Variants in STK39 observed in about 807,000 individuals in gnomAD.
STK39 encodes serine/threonine kinase 39, also known as STE20/SPS1-related proline-alanine-rich protein kinase.
STK39 carries 20 observed loss-of-function variants against 77.8 expected under a neutral mutation model. The ratio of observed to expected loss-of-function variants is 0.26; its 90% CI spans 0.18 to 0.37. The LOEUF (loss-of-function observed/expected upper bound fraction) is 0.37, where lower values mean the gene tolerates loss of function less well. STK39 is among the 10% of genes least tolerant of loss of function. STK39 has a pLI of 1.00. For synonymous variants in STK39, 246 were observed against 234.1 expected, an observed-to-expected ratio of 1.05 and a Z score of -0.47; for missense variants, 479 against 656.5, an observed-to-expected ratio of 0.73 and a Z score of 2.95.
intron 1 of STK39, among the ~76,000 whole-genome samples, chr2:168,220,899 A>T (rs1185056628): frequency 1.3e-5 from 2 of 152,188 alleles, no homozygotes; most frequent in African/African-American, 4.8e-5. Context: ...AAAGTGAGTC[A>T]CTTCATTTAG....
intron 14 of STK39, among the ~76,000 whole-genome samples, chr2:168,026,089 C>T (rs996793226): frequency 6.6e-6 from 1 of 152,162 alleles, no homozygotes; most frequent in Non-Finnish European, 1.5e-5. Flanking sequence ...CATTATTAGG[C>T]CTCATATTTT....
chr2:168,001,862 T>A (rs1684010278), intron 16 of STK39, among the ~76,000 whole-genome samples: 1 of 152,188 alleles, frequency 6.6e-6, no homozygotes, highest in Admixed American at 6.5e-5. Context: ...CTTGGTAATG[T>A]TAGAAAAATG....
intron 14 of STK39, among the ~76,000 whole-genome samples, chr2:168,053,300 G>A (rs972715259): frequency 6.6e-6 from 1 of 152,034 alleles, no homozygotes; most frequent in African/African-American, 2.4e-5. Context: ...AGGTATCCAG[G>A]ACATACTACC....
rs140132561 is a variant in STK39, at chr2:168,110,044, C to T, written c.1089+19497G>A. 3.6e-3 allele frequency among the ~76,000 whole-genome samples: 547 copies of T among 152,186 alleles called. 1 individual carries two copies. The highest frequency in any genetic ancestry group is 0.01 in the Middle Eastern group (3 of 294). ...TAAACAGTTGTCCTTAATTTCAATGCGTGTCACTTTAACAGTCTTTTCTTT... is the reference window on the plus strand; with the variant it reads ...TAAACAGTTGTCCTTAATTTCAATGTGTGTCACTTTAACAGTCTTTTCTTT... On this transcript the variant is annotated intron_variant, in intron 10 of 17. Coordinates refer to ENST00000355999, the MANE Select transcript of STK39 (RefSeq NM_013233.3).
chr2:168,235,355 T>C (rs914365068), intron 1 of STK39, among the ~76,000 whole-genome samples: 2 of 152,074 alleles, frequency 1.3e-5, no homozygotes, highest in Non-Finnish European at 2.9e-5. Flanking sequence ...GTCAATAATA[T>C]TTCTAACATC....
chr2:168,075,323 A>C, intron 10 of STK39, 92 bp from the exon 11 acceptor site: 2 of 1,533,838 alleles, frequency 1.3e-6, no homozygotes, highest in Non-Finnish European at 1.8e-6. Context: ...ATACACACCA[A>C]CCTGAAAATA....
At chr2:168,074,345 G>A (rs779253080) in intron 12 of STK39, among the ~76,000 whole-genome samples, 48 of 152,138 alleles carry the variant, frequency 3.2e-4, no homozygotes, top group Non-Finnish European at 1.3e-4. Flanking sequence ...ATTTCCTCTA[G>A]GAGAATTAGC....
chr2:168,099,007 A>C (rs1686748550), intron 10 of STK39, among the ~76,000 whole-genome samples: 2 of 152,232 alleles, frequency 1.3e-5, no homozygotes, highest in Non-Finnish European at 2.9e-5. Flanking sequence ...AGGAGAGATC[A>C]TGTGGAGAGG....
At chr2:168,139,678 A>C (rs1687929812) in intron 7 of STK39, among the ~76,000 whole-genome samples, 1 of 152,132 alleles carries the variant, frequency 6.6e-6, no homozygotes, top group African/African-American at 2.4e-5. Flanking sequence ...ATTTCACTAA[A>C]CTATTTCAGC....
intron 16 of STK39, among the ~76,000 whole-genome samples, chr2:167,978,022 G>T (rs66592911): frequency 0.15 from 22,602 of 152,100 alleles, 2,159 homozygotes; most frequent in East Asian, 0.43. Flanking sequence ...GCTGTCTTCT[G>T]TTCCTGGGTG....
rs1372713919 is a variant in STK39 at position 168,180,421 on chromosome 2, T to A, written c.321+1557A>T. Among the ~76,000 whole-genome samples the A allele has an allele frequency of 2.0e-5, 3 of 150,330 alleles. No homozygotes were observed. The East Asian group carries it at 5.9e-4, about 29-fold the overall frequency. ...TGATACATCCAAACAGTACATATAT[T>A]TAAATGCACACTCCAAATTTTTTTT... is the stretch of plus-strand genomic sequence containing the variant. On this transcript the variant is annotated intron_variant, in intron 2 of 17. Coordinates refer to ENST00000355999, the MANE Select transcript of STK39 (RefSeq NM_013233.3).
chr2:168,108,161 T>A (rs1042802216), intron 10 of STK39, among the ~76,000 whole-genome samples: 1 of 152,222 alleles, frequency 6.6e-6, no homozygotes, highest in East Asian at 1.9e-4. Context: ...ATTACCTCTA[T>A]GTCAAGAGCA....
chr2:168,001,835 A>C (rs1160858787), intron 16 of STK39, among the ~76,000 whole-genome samples: 4 of 152,212 alleles, frequency 2.6e-5, no homozygotes, highest in Non-Finnish European at 4.4e-5. Context: ...AGAGCCATTT[A>C]ATTTAAATCC....
At chr2:168,078,481 C>T (rs1249505537) in intron 10 of STK39, among the ~76,000 whole-genome samples, 2 of 152,160 alleles carry the variant, frequency 1.3e-5, no homozygotes, top group African/African-American at 2.4e-5. Flanking sequence ...CATCTCTAAA[C>T]AGGAGCTGTC....
chr2:168,210,082 A>AAGGAAGGAAGGAAGGAAGGAAGG lies in STK39; in HGVS notation c.209-27993_209-27992insCCTTCCTTCCTTCCTTCCTTCCT, dbSNP rs1207757423. 3.4e-4 allele frequency among the ~76,000 whole-genome samples: 44 copies of AAGGAAGGAAGGAAGGAAGGAAGG among 129,028 alleles called. 2 individuals are homozygous for AAGGAAGGAAGGAAGGAAGGAAGG. In the East Asian group the frequency reaches 7.4e-3, roughly 22 times the overall value. 84.6% of individuals were successfully genotyped at this position (129,028 alleles called of 152,430 possible). ...GGAAGGAAGGAAGGAAGGAAGGAAG[A>AAGGAAGGAAGGAAGGAAGGAAGG]AAGAAACTCATGTAATTAGAAAAAC... is the stretch of plus-strand genomic sequence containing the variant. On this transcript the variant is annotated intron_variant, in intron 1 of 17. Coordinates refer to ENST00000355999, the MANE Select transcript of STK39 (RefSeq NM_013233.3).
chr2:167,980,243 C>T (rs1683378963), intron 16 of STK39, among the ~76,000 whole-genome samples: 1 of 152,180 alleles, frequency 6.6e-6, no homozygotes, highest in Admixed American at 6.5e-5. Context: ...GCTCTCTTTA[C>T]GATCTTGTCA....
intron 10 of STK39, among the ~76,000 whole-genome samples, chr2:168,082,176 T>C (rs1179662849): frequency 6.6e-6 from 1 of 152,164 alleles, no homozygotes; most frequent in African/African-American, 2.4e-5. Context: ...ATTCCTTCCT[T>C]CAAGACACTT....
At chr2:168,178,990 C>T (rs10221685) in intron 2 of STK39, among the ~76,000 whole-genome samples, 1 of 151,824 alleles carries the variant, frequency 6.6e-6, no homozygotes. Flanking sequence ...AGCTGGGAGT[C>T]GGGGTCAGGA....
rs151320090 is a variant in STK39, at chr2:167,988,357, G to A, written c.1499-23631C>T. ...TGGGGACCCAAATAGTGAACCGAGA[G>A]AGAATGAAACACACATCAAAAAGCT... On this transcript the variant is annotated intron_variant, in intron 16 of 17. Coordinates refer to ENST00000355999, the MANE Select transcript of STK39 (RefSeq NM_013233.3). Among the ~76,000 whole-genome samples the A allele has an allele frequency of 7.1e-3, 1,075 of 152,190 alleles. 9 individuals are homozygous for A. Among genetic ancestry groups the A allele is most frequent in the Non-Finnish European group, 0.01 (712 of 68,014 alleles).
Sources: allele counts gnomAD v4.1 joint callset (sites outside exome capture counted in the v4.1 genomes callset), GRCh38; gene constraint gnomAD v4.1.1; transcripts MANE v1.5; gene names NCBI Gene and HGNC (gene_info 2026-07-23, HGNC 2026-07-21).